AGBL4: variants seen among roughly 807,000 people sequenced by gnomAD.
AGBL4 encodes the protein cytosolic carboxypeptidase 6.
In AGBL4, 58 loss-of-function variants were observed where a neutral mutation model predicts 66.4. The ratio of observed to expected loss-of-function variants is 0.87; its 90% CI spans 0.71 to 1.09. AGBL4 has a LOEUF of 1.09. AGBL4 is among the 50% of genes least tolerant of loss of function. The pLI is 0.00. For missense variants in AGBL4, 579 were observed against 631.0 expected (o/e 0.92, Z 0.88); for synonymous variants, 234 against 222.9 (o/e 1.05, Z -0.44).
At chr1:49,107,729 GAGAGAGAC>G (rs1444014740) in intron 4 of AGBL4, among the ~76,000 whole-genome samples, 16 of 133,052 alleles carry the variant, frequency 1.2e-4, no homozygotes, top group South Asian at 5.0e-4. Context: ...GAGAGAGAGA[GAGAGAGAC>G]AATATTTACA....
chr1:49,281,012 T>A (rs1644261793), intron 3 of AGBL4, among the ~76,000 whole-genome samples: 1 of 152,232 alleles, frequency 6.6e-6, no homozygotes, highest in Non-Finnish European at 1.5e-5. Context: ...ATATATAATT[T>A]GTTGAACACT....
At chr1:49,427,882 G>A (rs1645700175) in intron 3 of AGBL4, among the ~76,000 whole-genome samples, 1 of 152,162 alleles carries the variant, frequency 6.6e-6, no homozygotes, top group Admixed American at 6.5e-5. Flanking sequence ...TTTACAGAGT[G>A]CTGATTGGTG....
chr1:49,017,302 A>T (rs1024115580), intron 5 of AGBL4, among the ~76,000 whole-genome samples: 1 of 152,192 alleles, frequency 6.6e-6, no homozygotes, highest in African/African-American at 2.4e-5. Flanking sequence ...GTGATCCCAG[A>T]GCTTACAACT....
chr1:48,541,831 C>T (rs1013616862), intron 11 of AGBL4, among the ~76,000 whole-genome samples: 14 of 152,186 alleles, frequency 9.2e-5, no homozygotes, highest in South Asian at 2.1e-4. Flanking sequence ...ATGTTTAATA[C>T]GTGCTAGGCA....
chr1:49,326,980 C>T (rs115231263), intron 3 of AGBL4, among the ~76,000 whole-genome samples: 9 of 152,218 alleles, frequency 5.9e-5, no homozygotes, highest in South Asian at 2.1e-4. Flanking sequence ...AGTCTACCTG[C>T]GTTTCTGGCT....
chr1:48,710,754 T>C (rs1044079307), intron 6 of AGBL4, among the ~76,000 whole-genome samples: 3 of 152,188 alleles, frequency 2.0e-5, no homozygotes, highest in African/African-American at 7.2e-5. Flanking sequence ...CTATAGGCCC[T>C]GCGCTGGGAA....
chr1:48,692,678 C>T (rs1646652346), intron 6 of AGBL4, among the ~76,000 whole-genome samples: 1 of 152,150 alleles, frequency 6.6e-6, no homozygotes, highest in Non-Finnish European at 1.5e-5. Context: ...ACAGGTGATC[C>T]AGGGGTGATC....
chr1:49,015,259 C>T (rs952683862), intron 5 of AGBL4, among the ~76,000 whole-genome samples: 18 of 152,060 alleles, frequency 1.2e-4, no homozygotes, highest in African/African-American at 4.3e-4. Flanking sequence ...ACTTCTTTTC[C>T]CCTCATCTTT....
intron 1 of AGBL4, among the ~76,000 whole-genome samples, chr1:49,862,590 T>C (rs1247024565): frequency 6.6e-6 from 1 of 152,044 alleles, no homozygotes; most frequent in Non-Finnish European, 1.5e-5. Context: ...CCTCGAGGCA[T>C]TTAATAATCA....
intron 3 of AGBL4, among the ~76,000 whole-genome samples, chr1:49,680,869 C>T (rs550872260): frequency 2.0e-5 from 3 of 151,564 alleles, no homozygotes; most frequent in Admixed American, 2.0e-4. Context: ...GTTGAATTCC[C>T]TGATGTTCCT....
At chr1:49,356,735 GGTTT>G (rs1557866030) in intron 3 of AGBL4, among the ~76,000 whole-genome samples, 1 of 152,162 alleles carries the variant, frequency 6.6e-6, no homozygotes, top group Non-Finnish European at 1.5e-5. Context: ...TAGTGCTGAA[GGTTT>G]GTTGAGCTGT....
intron 5 of AGBL4, among the ~76,000 whole-genome samples, chr1:48,989,083 G>C (rs901774747): frequency 6.6e-6 from 1 of 152,168 alleles, no homozygotes; most frequent in Non-Finnish European, 1.5e-5. Context: ...GGCTGACTTC[G>C]TCAGGGCCCT....
At chr1:49,819,967 C>T (rs974746819) in intron 2 of AGBL4, among the ~76,000 whole-genome samples, 16 of 152,076 alleles carry the variant, frequency 1.1e-4, no homozygotes, top group East Asian at 5.8e-4. Context: ...TAAATGGCTT[C>T]GCAGGGTACC....
chr1:49,032,682 G>T (rs1403825199), intron 5 of AGBL4, among the ~76,000 whole-genome samples: 1 of 152,150 alleles, frequency 6.6e-6, no homozygotes, highest in Non-Finnish European at 1.5e-5. Flanking sequence ...CACCTCATAT[G>T]TTGTAACCCT....
intron 1 of AGBL4, among the ~76,000 whole-genome samples, chr1:49,958,414 A>C (rs944031795): frequency 1.3e-5 from 2 of 151,996 alleles, no homozygotes; most frequent in East Asian, 3.9e-4. Flanking sequence ...TTGCAGCACT[A>C]TTCACAATAG....
chr1:49,305,062 G>A (rs1644825120), intron 3 of AGBL4, among the ~76,000 whole-genome samples: 1 of 152,118 alleles, frequency 6.6e-6, no homozygotes, highest in Non-Finnish European at 1.5e-5. Context: ...AGAAAACTGA[G>A]GCCAGAGAGG....
At chr1:49,708,146 T>A (rs932592183) in intron 2 of AGBL4, among the ~76,000 whole-genome samples, 1 of 152,124 alleles carries the variant, frequency 6.6e-6, no homozygotes, top group African/African-American at 2.4e-5. Context: ...CTGAAGAGTG[T>A]TTTCCAACTT....
intron 3 of AGBL4, among the ~76,000 whole-genome samples, chr1:49,580,077 T>C (rs72686712): frequency 0.034 from 5,123 of 152,242 alleles, 122 homozygotes; most frequent in Non-Finnish European, 0.05. Flanking sequence ...TTCTTTGTCT[T>C]TTTTTTAACT....
chr1:48,862,551 G>C (rs146838384), intron 6 of AGBL4, among the ~76,000 whole-genome samples: 20 of 152,236 alleles, frequency 1.3e-4, no homozygotes, highest in African/African-American at 4.8e-4. Context: ...TCTATTTCCT[G>C]ACCTCGTGAT....
Sources: gnomAD v4.1 joint callset for allele counts (sites outside exome capture counted in the v4.1 genomes callset) on GRCh38, gnomAD v4.1.1 for gene constraint, MANE v1.5 for transcripts, NCBI Gene and HGNC (gene_info 2026-07-23, HGNC 2026-07-21) for gene names.